The following PCDHA2 variants were observed in gnomAD, a reference collection of about 807,000 sequenced individuals.
The protein encoded by PCDHA2 is protocadherin alpha 2.
PCDHA2 carries 58 observed loss-of-function variants against 66.0 expected under a neutral mutation model. That is an observed-to-expected ratio of 0.88 (90% CI 0.71 to 1.09). The LOEUF is 1.09. Ranked by LOEUF, PCDHA2 falls within the 50% of genes least tolerant of loss-of-function variation. The pLI, the probability that PCDHA2 is intolerant of heterozygous loss-of-function variation, is 0.00. For missense variants in PCDHA2, 1,267 were observed against 1,242.3 expected (o/e 1.02, Z -0.30); for synonymous variants, 634 against 554.0 (o/e 1.14, Z -2.03).
At chr5:140,841,792 G>A in intron 1 of PCDHA2, 1 of 1,613,916 alleles carries the variant, frequency 6.2e-7, no homozygotes, top group Non-Finnish European at 8.5e-7. Flanking sequence ...TAGAGGGCGC[G>A]TCCGATGCAG....
intron 1 of PCDHA2, chr5:140,822,078 C>T (rs1554128433): frequency 6.2e-7 from 1 of 1,614,102 alleles, no homozygotes; most frequent in Admixed American, 1.7e-5. Flanking sequence ...GGGCGGAGTG[C>T]AGCATCCACC....
chr5:140,883,762 G>T, intron 1 of PCDHA2: 3 of 1,612,794 alleles, frequency 1.9e-6, no homozygotes, highest in Non-Finnish European at 2.5e-6. Context: ...TGGAGCGGCG[G>T]GTGGGCGAGC....
At chr5:141,009,301 T>C (rs942481990) in intron 3 of PCDHA2, among the ~76,000 whole-genome samples, 1 of 152,122 alleles carries the variant, frequency 6.6e-6, no homozygotes, top group Admixed American at 6.5e-5. Flanking sequence ...TAAAATTTTT[T>C]TTAAAAAGCT....
intron 1 of PCDHA2, among the ~76,000 whole-genome samples, chr5:140,817,888 A>G (rs186786507): frequency 3.3e-5 from 5 of 152,342 alleles, no homozygotes; most frequent in Admixed American, 3.3e-4. Context: ...TATTTTTGCC[A>G]GCACTTTTAA....
intron 1 of PCDHA2, chr5:140,927,374 ACAGCCTAAGCCCCAGT>A: frequency 6.2e-7 from 1 of 1,614,100 alleles, no homozygotes; most frequent in Non-Finnish European, 8.5e-7. Flanking sequence ...ATACTAAGCT[ACAGCCTAAGCCCCAGT>A]CAGCACTTTC....
intron 3 of PCDHA2, among the ~76,000 whole-genome samples, chr5:140,990,648 A>G (rs2097404919): frequency 2.0e-5 from 3 of 152,220 alleles, no homozygotes; most frequent in Admixed American, 1.3e-4. Flanking sequence ...CTCAGCCAGT[A>G]TGAATGATTT....
rs542615615 is a variant in PCDHA2, at chr5:140,855,959, A to G, written c.2388+58607A>G. 8 of 1,399,890 alleles carry G rather than the reference A, an allele frequency of 5.7e-6. No homozygotes were observed. In the East Asian group the frequency reaches 1.1e-4, roughly 20 times the overall value. The allele number at this position is 1,399,890 out of a possible 1,614,324, so 86.7% of individuals were successfully genotyped here. On this transcript the variant is annotated intron_variant, in intron 1 of 3. Transcript: ENST00000526136. Reference sequence around the variant, plus strand: ...GAGATCTCAGCCATTTCGATAAAAAATAGATATAAGAAATAGGACAGAAAA... The same window carrying G: ...GAGATCTCAGCCATTTCGATAAAAAGTAGATATAAGAAATAGGACAGAAAA...
At chr5:140,826,757 A>G (rs1320078867) in intron 1 of PCDHA2, among the ~76,000 whole-genome samples, 2 of 152,200 alleles carry the variant, frequency 1.3e-5, no homozygotes, top group South Asian at 2.1e-4. Flanking sequence ...AATAAGATTC[A>G]TATTGGAGAG....
chr5:140,896,432 G>C (rs2065542713), intron 1 of PCDHA2, among the ~76,000 whole-genome samples: 1 of 152,008 alleles, frequency 6.6e-6, no homozygotes, highest in African/African-American at 2.4e-5. Context: ...ATTCTGACTG[G>C]TGTGACTGCA....
At chr5:140,990,011 G>T (rs1246081885) in intron 3 of PCDHA2, among the ~76,000 whole-genome samples, 1 of 152,074 alleles carries the variant, frequency 6.6e-6, no homozygotes, top group Non-Finnish European at 1.5e-5. Context: ...CAAGGGCGTG[G>T]GCTAGGCAAA....
chr5:140,901,286 C>T (rs1681382612), intron 1 of PCDHA2, among the ~76,000 whole-genome samples: 1 of 151,988 alleles, frequency 6.6e-6, no homozygotes. Flanking sequence ...AAATTTTTGC[C>T]CAGACTGATG....
In PCDHA2 at chr5:140,801,636, C is replaced by A. The variant is rs139627437; in HGVS notation, c.2388+4284C>A. On this transcript the variant is annotated intron_variant, in intron 1 of 3. Transcript: ENST00000526136. ...GAATCTGTTTATTTCCGAATCCCGA[C>A]AGCCTGGCTCTCGGTTTTCGCTAGA... 9.9e-6 allele frequency: 16 copies of A among 1,614,120 alleles called. No individual in the cohort carries two copies. In the African/African-American group the frequency reaches 2.1e-4, roughly 22 times the overall value.
intron 1 of PCDHA2, chr5:140,803,920 T>A: frequency 2.0e-6 from 1 of 488,680 alleles, no homozygotes. Context: ...CTTCGACTTG[T>A]TTTATACTTA....
intron 1 of PCDHA2, among the ~76,000 whole-genome samples, chr5:140,902,660 C>A (rs1322922634): frequency 1.3e-5 from 2 of 152,116 alleles, no homozygotes; most frequent in Non-Finnish European, 2.9e-5. Flanking sequence ...GCACCTGTCA[C>A]CCAAGCAGTG....
At chr5:140,851,758 C>A (rs1554145527) in intron 1 of PCDHA2, 1 of 969,910 alleles carries the variant, frequency 1.0e-6, no homozygotes, top group Non-Finnish European at 1.2e-6. Flanking sequence ...TAACTTAAAA[C>A]ATTACCCTTA....
chr5:140,988,512 T>TCC (rs2097301181), intron 3 of PCDHA2, among the ~76,000 whole-genome samples: 1 of 152,218 alleles, frequency 6.6e-6, no homozygotes, highest in Non-Finnish European at 1.5e-5. Flanking sequence ...TGAAGCTTAC[T>TCC]TAAGTCTCTG....
intron 1 of PCDHA2, among the ~76,000 whole-genome samples, chr5:140,799,038 C>T (rs1554120819): frequency 6.6e-6 from 1 of 152,168 alleles, no homozygotes; most frequent in African/African-American, 2.4e-5. Context: ...TGATAAGCTT[C>T]TAAAATTATA....
intron 1 of PCDHA2, chr5:140,855,785 A>G (rs2043622079): frequency 4.7e-6 from 2 of 426,874 alleles, no homozygotes; most frequent in Non-Finnish European, 4.2e-6. Context: ...ACGTAAAAAA[A>G]GAATTAACAT....
Position 140,797,455 on chromosome 5 carries a change from A to T in PCDHA2, c.2388+103A>T, listed in dbSNP as rs1581626654. 1.0e-5 allele frequency: 13 copies of T among 1,306,198 alleles called. No individual in the cohort carries two copies. In the East Asian group the frequency reaches 3.1e-4, roughly 31 times the overall value. The allele number at this position is 1,306,198 out of a possible 1,614,324, so 80.9% of individuals were successfully genotyped here. ...AGATTCATAGTTCTTCATTTATTTT[A>T]TATCATCCTACCGTGCGATTTTGAA... On this transcript the variant is annotated intron_variant, in intron 1 of 3. Transcript: ENST00000526136.
Sources: gnomAD v4.1 joint callset for allele counts (sites outside exome capture counted in the v4.1 genomes callset) on GRCh38, gnomAD v4.1.1 for gene constraint, MANE v1.5 for transcripts, NCBI Gene and HGNC (gene_info 2026-07-23, HGNC 2026-07-21) for gene names.